The following ULK4 variants were observed in gnomAD, a reference collection of about 807,000 sequenced individuals.
The protein encoded by ULK4 is inactive serine/threonine-protein kinase ULK4.
Under a neutral mutation model 160.6 loss-of-function variants are expected in ULK4, and 133 were observed. That is an observed-to-expected ratio of 0.83 (90% CI 0.72 to 0.96). ULK4 has a LOEUF of 0.96. Among genes scored for constraint, ULK4 ranks in the 40% least tolerant of loss-of-function variants. ULK4 has a pLI of 0.00. For synonymous variants in ULK4, 534 were observed against 539.8 expected (o/e 0.99, Z 0.15); for missense variants, 1,580 against 1,499.5 (o/e 1.05, Z -0.89).
chr3:41,544,662 T>A (rs915184698), intron 32 of ULK4, among the ~76,000 whole-genome samples: 1 of 152,190 alleles, frequency 6.6e-6, no homozygotes, highest in Non-Finnish European at 1.5e-5. Flanking sequence ...AACTTGACAA[T>A]GATTGTTTGC....
intron 18 of ULK4, among the ~76,000 whole-genome samples, chr3:41,823,459 T>C (rs2041219368): frequency 6.6e-6 from 1 of 152,150 alleles, no homozygotes; most frequent in African/African-American, 2.4e-5. Flanking sequence ...AAAATAAGAA[T>C]ACCTGAACTC....
intron 16 of ULK4, among the ~76,000 whole-genome samples, chr3:41,893,478 T>G (rs1001667434): frequency 6.6e-6 from 1 of 152,124 alleles, no homozygotes; most frequent in Non-Finnish European, 1.5e-5. Context: ...TTGATACAAT[T>G]TTTTTAAGAG....
chr3:41,401,398 T>C (rs2082175784), intron 34 of ULK4, among the ~76,000 whole-genome samples: 1 of 152,214 alleles, frequency 6.6e-6, no homozygotes, highest in African/African-American at 2.4e-5. Context: ...GAAAGGCTAT[T>C]GTTGTCCTAT....
intron 27 of ULK4, among the ~76,000 whole-genome samples, chr3:41,699,254 C>T (rs1430973910): frequency 1.3e-5 from 2 of 152,178 alleles, no homozygotes. Context: ...TCCCCACCAA[C>T]ACTAAGTATT....
chr3:41,491,976 G>T (rs2084788734), intron 32 of ULK4, among the ~76,000 whole-genome samples: 1 of 149,874 alleles, frequency 6.7e-6, no homozygotes, highest in Non-Finnish European at 1.5e-5. Context: ...ATGAGAACAT[G>T]TGGTGTTTGG....
chr3:41,901,169 CTTCTTTTTT>C (rs1172335445), intron 12 of ULK4, among the ~76,000 whole-genome samples: 10 of 95,744 alleles, frequency 1.0e-4, no homozygotes, highest in Non-Finnish European at 8.9e-5. Flanking sequence ...AACAGCATGG[CTTCTTTTTT>C]TTTTTTTTTT....
At chr3:41,696,229 C>T (rs77207045) in intron 27 of ULK4, among the ~76,000 whole-genome samples, 2 of 152,236 alleles carry the variant, frequency 1.3e-5, no homozygotes, top group Non-Finnish European at 2.9e-5. Context: ...TGGTGCTATG[C>T]TTCAGTGGTC....
At chr3:41,590,033 C>G (rs1433255370) in intron 31 of ULK4, among the ~76,000 whole-genome samples, 2 of 151,500 alleles carry the variant, frequency 1.3e-5, no homozygotes. Flanking sequence ...GACAGAGTTT[C>G]TCTCTGTCAC....
chr3:41,663,728 C>T, intron 29 of ULK4, 29 bp from the exon 30 acceptor site: 2 of 1,580,112 alleles, frequency 1.3e-6, no homozygotes, highest in Non-Finnish European at 1.7e-6. Context: ...TTAAAAAATA[C>T]TCAGTAGGAA....
chr3:41,933,744 T>TAA (rs57199702), intron 4 of ULK4, among the ~76,000 whole-genome samples: 18,846 of 148,876 alleles, frequency 0.13, 1,343 homozygotes, highest in Middle Eastern at 0.27. Context: ...AAAAAATTAA[T>TAA]AAAAAAAAAA....
In ULK4 at chr3:41,698,441, C is replaced by G. The variant is rs1051632792; in HGVS notation, c.2781+6616G>C. Among the ~76,000 whole-genome samples the G allele has an allele frequency of 3.3e-5, 5 of 152,244 alleles. No individual in the cohort carries two copies. In the East Asian group the frequency reaches 5.8e-4, roughly 18 times the overall value. Reference sequence around the variant, plus strand: ...CATGCCCAGCTTGAAACTTTTTGAGCACCAACATGACGCTCAGAGGCAATG... The same window carrying G: ...CATGCCCAGCTTGAAACTTTTTGAGGACCAACATGACGCTCAGAGGCAATG... On this transcript the variant is annotated intron_variant, in intron 27 of 36. Transcript: ENST00000301831.
chr3:41,734,092 G>C (rs980311662), intron 22 of ULK4, among the ~76,000 whole-genome samples: 5 of 152,020 alleles, frequency 3.3e-5, no homozygotes, highest in Non-Finnish European at 5.9e-5. Context: ...TTACTGGGGT[G>C]GGGGGAGCTG....
At chr3:41,301,906 A>G (rs2079808675) in intron 35 of ULK4, among the ~76,000 whole-genome samples, 1 of 152,226 alleles carries the variant, frequency 6.6e-6, no homozygotes, top group Non-Finnish European at 1.5e-5. Flanking sequence ...ATTAATAAAT[A>G]TATTTATATC....
chr3:41,834,444 T>C (rs1436358421), intron 18 of ULK4, among the ~76,000 whole-genome samples: 4 of 152,196 alleles, frequency 2.6e-5, no homozygotes, highest in African/African-American at 9.7e-5. Flanking sequence ...TTTATCTACA[T>C]AATCAGTGTA....
chr3:41,688,777 C>G (rs932449110), intron 27 of ULK4, among the ~76,000 whole-genome samples: 1 of 152,180 alleles, frequency 6.6e-6, no homozygotes, highest in African/African-American at 2.4e-5. Flanking sequence ...GATTCACTGC[C>G]AACTCTGAGT....
At position 41,262,513 on chromosome 3, in the gene ULK4, C is replaced by G. The variant is rs984578957; in HGVS notation, c.3679-12939G>C. On this transcript the variant is annotated intron_variant, in intron 35 of 36. Coordinates refer to ENST00000301831, the MANE Select transcript of ULK4 (RefSeq NM_017886.4). ...TTTCTCTTGACCTTTATTTCCTCCT[C>G]CTGGGGTCTGTATGTTCCCTTAACT... Among the ~76,000 whole-genome samples the G allele has an allele frequency of 2.0e-5, 3 of 152,168 alleles. No individual in the cohort carries two copies. In the East Asian group the frequency reaches 5.8e-4, roughly 29 times the overall value.
chr3:41,827,327 G>A (rs188289240), intron 18 of ULK4, among the ~76,000 whole-genome samples: 5 of 151,570 alleles, frequency 3.3e-5, no homozygotes, highest in Non-Finnish European at 4.4e-5. Flanking sequence ...AACTGAAGGA[G>A]ACAGAGACAC....
chr3:41,696,976 C>A (rs1226057477), intron 27 of ULK4, among the ~76,000 whole-genome samples: 5 of 152,162 alleles, frequency 3.3e-5, no homozygotes, highest in African/African-American at 7.2e-5. Context: ...GAAGGAGATC[C>A]TTCCCTTAGA....
chr3:41,874,848 A>G (rs1697241361), intron 17 of ULK4, among the ~76,000 whole-genome samples: 1 of 152,230 alleles, frequency 6.6e-6, no homozygotes, highest in African/African-American at 2.4e-5. Context: ...TCCAAAAGCT[A>G]TTGAAATAAA....
Sources: gnomAD v4.1 joint callset for allele counts (sites outside exome capture counted in the v4.1 genomes callset) on GRCh38, gnomAD v4.1.1 for gene constraint, MANE v1.5 for transcripts, NCBI Gene and HGNC (gene_info 2026-07-23, HGNC 2026-07-21) for gene names.